The following ANKS1B variants were observed in gnomAD, a reference collection of about 807,000 sequenced individuals.
The protein encoded by ANKS1B is ankyrin repeat and sterile alpha motif domain containing 1B, also known as ankyrin repeat and sterile alpha motif domain-containing protein 1B.
ANKS1B carries 36 observed loss-of-function variants against 148.3 expected under a neutral mutation model. That is an observed-to-expected ratio of 0.24 (90% CI 0.19 to 0.32). The LOEUF (loss-of-function observed/expected upper bound fraction) is 0.32. Among genes scored for constraint, ANKS1B ranks in the 10% least tolerant of loss-of-function variants. ANKS1B has a pLI of 1.00. For missense variants in ANKS1B, 1,157 were observed against 1,542.6 expected (o/e 0.75, Z 4.19); for synonymous variants, 542 against 560.8 (o/e 0.97, Z 0.47).
intron 1 of ANKS1B, among the ~76,000 whole-genome samples, chr12:99,924,240 T>C (rs959149358): frequency 6.6e-5 from 10 of 152,112 alleles, no homozygotes; most frequent in African/African-American, 2.4e-4. Flanking sequence ...CAAAAGACTC[T>C]AGAGGAACAT....
At chr12:99,457,883 C>A (rs1179797788) in intron 10 of ANKS1B, among the ~76,000 whole-genome samples, 1 of 151,908 alleles carries the variant, frequency 6.6e-6, no homozygotes, top group Non-Finnish European at 1.5e-5. Context: ...AGAAAGTCAA[C>A]AAAGAACTAT....
intron 10 of ANKS1B, among the ~76,000 whole-genome samples, chr12:99,484,465 A>G (rs2096459229): frequency 6.6e-6 from 1 of 151,906 alleles, no homozygotes; most frequent in South Asian, 2.1e-4. Context: ...TGTATATTCT[A>G]TTGTTCTAGG....
At chr12:99,512,822 G>A (rs2096779895) in intron 9 of ANKS1B, among the ~76,000 whole-genome samples, 1 of 151,996 alleles carries the variant, frequency 6.6e-6, no homozygotes. Flanking sequence ...AATACCACAT[G>A]TTCTCACTTA....
chr12:99,878,920 G>T (rs2092309711), intron 1 of ANKS1B, among the ~76,000 whole-genome samples: 1 of 152,000 alleles, frequency 6.6e-6, no homozygotes, highest in South Asian at 2.1e-4. Context: ...TTTCCTGACA[G>T]TCTTTCTTCT....
Position 98,902,116 on chromosome 12 carries a change from T to C in ANKS1B, c.2779-69980A>G, listed in dbSNP as rs940110080. 2.3e-3 allele frequency among the ~76,000 whole-genome samples: 349 copies of C among 152,324 alleles called. 2 individuals are homozygous for C. The highest frequency in any genetic ancestry group is 8.3e-3 in the African/African-American group (344 of 41,576). On this transcript the variant is annotated intron_variant, in intron 17 of 26. Transcript: ENST00000683438. ...TTCCTGAAGGCAAGCAGGCTTGGAA[T>C]CCAAGGGGAATGAATATAAACACTG...
At chr12:99,745,055 C>T (rs555914852) in intron 8 of ANKS1B, among the ~76,000 whole-genome samples, 5 of 138,860 alleles carry the variant, frequency 3.6e-5, no homozygotes, top group East Asian at 4.2e-4. Flanking sequence ...GCCATCCTAA[C>T]GAAAAAAACA....
chr12:99,599,274 G>A (rs186518270), intron 9 of ANKS1B, among the ~76,000 whole-genome samples: 118 of 152,158 alleles, frequency 7.8e-4, no homozygotes, highest in Middle Eastern at 3.4e-3. Context: ...ACAGTGATAG[G>A]GGAGTCCATG....
intron 17 of ANKS1B, among the ~76,000 whole-genome samples, chr12:99,005,784 A>G (rs1235479974): frequency 6.6e-6 from 1 of 152,168 alleles, no homozygotes; most frequent in East Asian, 1.9e-4. Flanking sequence ...GAACACACAC[A>G]CACACACGCA....
intron 9 of ANKS1B, among the ~76,000 whole-genome samples, chr12:99,520,495 A>T (rs1863097340): frequency 6.6e-6 from 1 of 152,080 alleles, no homozygotes; most frequent in African/African-American, 2.4e-5. Context: ...TACTTTTAGG[A>T]TCCTTCCTTT....
rs12580254 is a variant in ANKS1B, at chr12:99,388,722, G to A, written c.1756+10909C>T. Among the ~76,000 whole-genome samples the A allele has an allele frequency of 3.8e-3, 582 of 152,260 alleles. 37 individuals carry two copies. In the East Asian group the frequency reaches 0.086, roughly 23 times the overall value. On this transcript the variant is annotated intron_variant, in intron 12 of 26. Transcript: ENST00000683438. ...GGCTCCAGCTCTCATCTGAGGGCCA[G>A]GGTCCTTTTCTAAGCTCACAGACTG...
At chr12:99,359,672 G>A (rs528168921) in intron 12 of ANKS1B, among the ~76,000 whole-genome samples, 9 of 152,110 alleles carry the variant, frequency 5.9e-5, no homozygotes, top group African/African-American at 2.2e-4. Context: ...TCGTGTAACG[G>A]GGAATGCAAA....
At chr12:99,620,283 C>T (rs1199303791) in intron 9 of ANKS1B, among the ~76,000 whole-genome samples, 1 of 152,072 alleles carries the variant, frequency 6.6e-6, no homozygotes, top group Non-Finnish European at 1.5e-5. Context: ...ATTTGAAGTG[C>T]CAGCATCTCC....
At chr12:99,008,873 A>C (rs117691335) in intron 17 of ANKS1B, among the ~76,000 whole-genome samples, 1,600 of 152,126 alleles carry the variant, frequency 0.011, 47 homozygotes, top group Admixed American at 0.059. Flanking sequence ...CCTAGCAGAA[A>C]CTCACTGGTG....
At chr12:99,217,786 C>T (rs2084452673) in intron 14 of ANKS1B, among the ~76,000 whole-genome samples, 1 of 152,060 alleles carries the variant, frequency 6.6e-6, no homozygotes, top group Non-Finnish European at 1.5e-5. Context: ...GTGTAAGTGT[C>T]CCATTTTAGG....
chr12:99,754,319 T>C (rs891656678), intron 8 of ANKS1B, among the ~76,000 whole-genome samples: 1 of 152,166 alleles, frequency 6.6e-6, no homozygotes, highest in Admixed American at 6.6e-5. Flanking sequence ...ATCCTAAATA[T>C]ATATGCACCC....
intron 15 of ANKS1B, among the ~76,000 whole-genome samples, chr12:99,143,059 G>T (rs2071546463): frequency 6.6e-6 from 1 of 152,094 alleles, no homozygotes; most frequent in South Asian, 2.1e-4. Flanking sequence ...CTAGTCCTCA[G>T]ATTTCAAGAT....
intron 1 of ANKS1B, among the ~76,000 whole-genome samples, chr12:99,899,467 C>A (rs2093507557): frequency 6.6e-6 from 1 of 151,980 alleles, no homozygotes; most frequent in Non-Finnish European, 1.5e-5. Flanking sequence ...TATCTGTTAC[C>A]CCTACAAGTT....
In ANKS1B at chr12:99,502,747, G is replaced by A. The variant is rs370479534; in HGVS notation, c.1438+1729C>T. Among the ~76,000 whole-genome samples, 15 of 152,172 alleles carry A rather than the reference G, an allele frequency of 9.9e-5. No homozygotes were observed. The South Asian group carries it at 1.7e-3, about 17-fold the overall frequency. ...TGGAATAATGCATATAAAGCACTTA[G>A]AACAGTATCTGCCACATAATAAATG... is the stretch of plus-strand genomic sequence containing the variant. On this transcript the variant is annotated intron_variant, in intron 10 of 26. Coordinates refer to ENST00000683438, the MANE Select transcript of ANKS1B (RefSeq NM_001352186.2).
chr12:99,447,872 A>G (rs538958862), intron 10 of ANKS1B, among the ~76,000 whole-genome samples: 6 of 152,138 alleles, frequency 3.9e-5, no homozygotes, highest in Non-Finnish European at 7.4e-5. Flanking sequence ...ACTAATCATC[A>G]GAGAAATGCA....
Sources: gnomAD v4.1 joint callset for allele counts (sites outside exome capture counted in the v4.1 genomes callset) on GRCh38, gnomAD v4.1.1 for gene constraint, MANE v1.5 for transcripts, NCBI Gene and HGNC (gene_info 2026-07-23, HGNC 2026-07-21) for gene names.